The following RAPGEF4 variants were observed in gnomAD, a reference collection of about 807,000 sequenced individuals.
RAPGEF4 encodes the protein RAP guanine-nucleotide-exchange factor (GEF) 4.
A neutral mutation model predicts 147.9 loss-of-function variants in RAPGEF4; 66 were observed. That is an observed-to-expected ratio of 0.45 (90% confidence interval 0.37 to 0.55). The LOEUF is 0.55. Ranked by LOEUF, RAPGEF4 falls within the 20% of genes least tolerant of loss-of-function variation. RAPGEF4 has a pLI of 0.00. For missense variants in RAPGEF4, 1,071 were observed against 1,257.3 expected (o/e 0.85, Z 2.24); for synonymous variants, 419 against 442.7 (o/e 0.95, Z 0.67).
chr2:172,890,356 A>G (rs1434387911), intron 4 of RAPGEF4, among the ~76,000 whole-genome samples: 1 of 152,130 alleles, frequency 6.6e-6, no homozygotes, highest in African/African-American at 2.4e-5. Context: ...CCTTTTTTTC[A>G]GGAGAATAGA....
At chr2:172,986,297 A>G (rs371548233) in intron 12 of RAPGEF4, among the ~76,000 whole-genome samples, 4 of 152,258 alleles carry the variant, frequency 2.6e-5, no homozygotes, top group African/African-American at 4.8e-5. Flanking sequence ...CTAATGACAC[A>G]TAGAACACTT....
At chr2:172,876,291 T>G (rs1332302012) in intron 4 of RAPGEF4, among the ~76,000 whole-genome samples, 1 of 152,166 alleles carries the variant, frequency 6.6e-6, no homozygotes, top group African/African-American at 2.4e-5. Context: ...CTATGTTGAA[T>G]AGGAGTGGTG....
chr2:172,989,938 C>T (rs549751875), intron 14 of RAPGEF4, among the ~76,000 whole-genome samples: 2 of 151,334 alleles, frequency 1.3e-5, no homozygotes, highest in East Asian at 1.9e-4. Context: ...ACATCAATCC[C>T]TACATGGCCT....
intron 1 of RAPGEF4, among the ~76,000 whole-genome samples, chr2:172,791,679 C>A (rs1685842922): frequency 6.6e-6 from 1 of 152,082 alleles, no homozygotes; most frequent in South Asian, 2.1e-4. Context: ...ACAAAAATAT[C>A]AGGAGAAGAG....
intron 4 of RAPGEF4, among the ~76,000 whole-genome samples, chr2:172,866,756 C>A: frequency 6.6e-6 from 1 of 152,016 alleles, no homozygotes; most frequent in Non-Finnish European, 1.5e-5. Context: ...TTACAAAAAA[C>A]CTCTCTCAAA....
At chr2:172,766,431 A>G (rs1474715272) in intron 1 of RAPGEF4, among the ~76,000 whole-genome samples, 1 of 152,088 alleles carries the variant, frequency 6.6e-6, no homozygotes, top group African/African-American at 2.4e-5. Context: ...ACGCGCCCAT[A>G]GTCCCAGCTA....
Position 172,783,090 on chromosome 2 carries a change from A to C in RAPGEF4, c.66-11935A>C, listed in dbSNP as rs1684829735. ...AAAATTTTCCTCTCTCTCTTCACTT[A>C]CAAATGCAGGGCTAAACATTCTTTA... On this transcript the variant is annotated intron_variant, in intron 1 of 30. Coordinates refer to ENST00000397081, the MANE Select transcript of RAPGEF4 (RefSeq NM_007023.4). Among the ~76,000 whole-genome samples, 7 of 152,224 alleles carry C rather than the reference A, an allele frequency of 4.6e-5. No individual in the cohort carries two copies. In the South Asian group the frequency reaches 1.4e-3, roughly 32 times the overall value.
intron 6 of RAPGEF4, among the ~76,000 whole-genome samples, chr2:172,938,513 G>T (rs1017692438): frequency 2.0e-5 from 3 of 152,166 alleles, no homozygotes; most frequent in Non-Finnish European, 2.9e-5. Flanking sequence ...TGTGTGCAGT[G>T]TCCTTGCCTT....
At chr2:173,029,839 A>G (rs1414139507) in intron 25 of RAPGEF4, among the ~76,000 whole-genome samples, 1 of 152,168 alleles carries the variant, frequency 6.6e-6, no homozygotes, top group Non-Finnish European at 1.5e-5. Context: ...TTCTTACCCC[A>G]TGAGATATTT....
intron 6 of RAPGEF4, among the ~76,000 whole-genome samples, chr2:172,956,324 T>G (rs1165127949): frequency 6.6e-6 from 1 of 152,224 alleles, no homozygotes; most frequent in Non-Finnish European, 1.5e-5. Flanking sequence ...ACTTCCCGCA[T>G]TAAATTCCCT....
At chr2:172,864,607 C>G (rs1575075838) in intron 4 of RAPGEF4, among the ~76,000 whole-genome samples, 1 of 152,136 alleles carries the variant, frequency 6.6e-6, no homozygotes, top group African/African-American at 2.4e-5. Flanking sequence ...ATCATTCATT[C>G]AGTAAGGAGT....
chr2:172,775,364 A>G (rs1328364149), intron 1 of RAPGEF4, among the ~76,000 whole-genome samples: 1 of 152,250 alleles, frequency 6.6e-6, no homozygotes, highest in Admixed American at 6.5e-5. Flanking sequence ...TATTCTATAC[A>G]CTAGCCTACC....
At chr2:172,934,805 C>G (rs1686377945) in intron 6 of RAPGEF4, among the ~76,000 whole-genome samples, 1 of 151,952 alleles carries the variant, frequency 6.6e-6, no homozygotes, top group Non-Finnish European at 1.5e-5. Flanking sequence ...CTTCACAAGG[C>G]TACAGAATTA....
intron 17 of RAPGEF4, among the ~76,000 whole-genome samples, chr2:173,004,420 A>G (rs941855371): frequency 2.0e-5 from 3 of 152,180 alleles, no homozygotes; most frequent in African/African-American, 7.2e-5. Context: ...TTAGTCTTCA[A>G]AAGAAAATTA....
chr2:172,860,028 C>G (rs1693852219), intron 4 of RAPGEF4: 1 of 985,442 alleles, frequency 1.0e-6, no homozygotes. Context: ...GCTCTGTTCA[C>G]TGGCTCTTTA....
chr2:172,838,396 AT>A (rs1574998237), intron 4 of RAPGEF4, among the ~76,000 whole-genome samples: 1 of 152,120 alleles, frequency 6.6e-6, no homozygotes, highest in African/African-American at 2.4e-5. Context: ...TATCCCTGCA[AT>A]TAGGTTTAGT....
intron 4 of RAPGEF4, among the ~76,000 whole-genome samples, chr2:172,854,681 A>T (rs758200961): frequency 4.0e-5 from 6 of 150,462 alleles, no homozygotes; most frequent in Non-Finnish European, 5.9e-5. Context: ...CTTATTTTGG[A>T]TTAATTAATT....
chr2:172,996,739 C>G (rs1037636391), intron 16 of RAPGEF4, among the ~76,000 whole-genome samples, 185 bp downstream of exon 16: 1 of 152,198 alleles, frequency 6.6e-6, no homozygotes. Flanking sequence ...TCTTCCCTCC[C>G]CAATCCTGAC....
chr2:172,949,771 A>G (rs1374969577), intron 6 of RAPGEF4, among the ~76,000 whole-genome samples: 1 of 152,254 alleles, frequency 6.6e-6, no homozygotes, highest in Non-Finnish European at 1.5e-5. Flanking sequence ...TCAAATGTCC[A>G]TGAAATAAAC....
Sources: gnomAD v4.1 joint callset for allele counts (sites outside exome capture counted in the v4.1 genomes callset) on GRCh38, gnomAD v4.1.1 for gene constraint, MANE v1.5 for transcripts, NCBI Gene and HGNC (gene_info 2026-07-23, HGNC 2026-07-21) for gene names.